The following KCND2 variants were observed in gnomAD, a reference collection of about 807,000 sequenced individuals.
The protein encoded by KCND2 is potassium voltage-gated channel subfamily D member 2.
Under a neutral mutation model 54.4 loss-of-function variants are expected in KCND2, and 16 were observed. That is an observed-to-expected ratio of 0.29 (90% CI 0.20 to 0.45). The LOEUF is 0.45. KCND2 is among the 20% of genes least tolerant of loss of function. KCND2 has a pLI of 1.00. For synonymous variants in KCND2, 317 were observed against 310.7 expected, an observed-to-expected ratio of 1.02 and a Z score of -0.21; for missense variants, 486 against 824.2, an observed-to-expected ratio of 0.59 and a Z score of 5.02.
chr7:120,399,642 C>A lies in KCND2; in HGVS notation c.1115+123895C>A, dbSNP rs1001980761. 3.3e-5 allele frequency among the ~76,000 whole-genome samples: 5 copies of A among 151,850 alleles called. No individual in the cohort carries two copies. In the East Asian group the frequency reaches 7.7e-4, roughly 23 times the overall value. On this transcript the variant is annotated intron_variant, in intron 1 of 5. Coordinates refer to ENST00000331113, the MANE Select transcript of KCND2 (RefSeq NM_012281.3). ...TTGTTTTTTATAATGTTATTCTTCACGTAATAATTTTCATATATATTTATC... is the reference window on the plus strand; with the variant it reads ...TTGTTTTTTATAATGTTATTCTTCAAGTAATAATTTTCATATATATTTATC...
intron 1 of KCND2, among the ~76,000 whole-genome samples, chr7:120,484,008 A>G (rs972049035): frequency 5.9e-5 from 9 of 152,288 alleles, no homozygotes; most frequent in Admixed American, 3.3e-4. Context: ...AAAGCTTGTC[A>G]AAGAAAGACT....
chr7:120,393,675 G>C (rs1390262723), intron 1 of KCND2, among the ~76,000 whole-genome samples: 1 of 151,872 alleles, frequency 6.6e-6, no homozygotes, highest in Non-Finnish European at 1.5e-5. Context: ...GTTTGTCTTG[G>C]TGTTTAGGTT....
intron 1 of KCND2, among the ~76,000 whole-genome samples, chr7:120,595,561 A>G (rs1371156517): frequency 2.3e-5 from 3 of 131,540 alleles, no homozygotes; most frequent in African/African-American, 8.4e-5. Context: ...GTGTGTATAT[A>G]TATGTGTGTG....
intron 1 of KCND2, among the ~76,000 whole-genome samples, chr7:120,278,091 C>T (rs188170828): frequency 7.2e-5 from 11 of 152,002 alleles, no homozygotes; most frequent in Admixed American, 7.2e-4. Context: ...AAAATGAGAA[C>T]ATATATGGAC....
chr7:120,289,109 A>G lies in KCND2; in HGVS notation c.1115+13362A>G, dbSNP rs976700809. Among the ~76,000 whole-genome samples, 6 of 151,562 alleles carry G rather than the reference A, an allele frequency of 4.0e-5. 1 individual carries two copies. The highest frequency in any genetic ancestry group is 4.1e-4 in the South Asian group (2 of 4,824). On this transcript the variant is annotated intron_variant, in intron 1 of 5. Transcript: ENST00000331113. ...AGAGAGAGAGACTAGGAGAAAGAAA[A>G]GTAAAGAGAAAGAAAGTGAGGGGGG... is the stretch of plus-strand genomic sequence containing the variant.
intron 1 of KCND2, among the ~76,000 whole-genome samples, chr7:120,633,745 G>A (rs993057623): frequency 3.3e-5 from 5 of 152,136 alleles, no homozygotes; most frequent in African/African-American, 9.6e-5. Flanking sequence ...CAACCATTTC[G>A]CTACTCTGAA....
At chr7:120,543,852 C>A in intron 1 of KCND2, among the ~76,000 whole-genome samples, 1 of 151,990 alleles carries the variant, frequency 6.6e-6, no homozygotes, top group Non-Finnish European at 1.5e-5. Context: ...TTATTGGACA[C>A]AACTGACTCT....
intron 1 of KCND2, among the ~76,000 whole-genome samples, chr7:120,704,843 G>A (rs560228326): frequency 8.5e-5 from 13 of 152,182 alleles, no homozygotes; most frequent in African/African-American, 3.1e-4. Context: ...ATTGTGGGTG[G>A]TTTAGAAATA....
intron 1 of KCND2, among the ~76,000 whole-genome samples, chr7:120,696,977 C>T (rs1224585671): frequency 6.6e-6 from 1 of 152,132 alleles, no homozygotes; most frequent in African/African-American, 2.4e-5. Context: ...ACTTAGAGTT[C>T]CATATATCTG....
At chr7:120,322,918 C>T (rs2116332763) in intron 1 of KCND2, among the ~76,000 whole-genome samples, 1 of 152,028 alleles carries the variant, frequency 6.6e-6, no homozygotes, top group Non-Finnish European at 1.5e-5. Flanking sequence ...AAAATGAATG[C>T]TTTAATTATA....
intron 1 of KCND2, among the ~76,000 whole-genome samples, chr7:120,500,477 G>A (rs879560394): frequency 3.0e-4 from 46 of 151,940 alleles, no homozygotes; most frequent in Non-Finnish European, 6.2e-4. Context: ...GGGCATTATC[G>A]CAAAATTCTT....
intron 1 of KCND2, among the ~76,000 whole-genome samples, chr7:120,669,436 A>G (rs1372503452): frequency 3.3e-5 from 5 of 152,052 alleles, no homozygotes; most frequent in Non-Finnish European, 5.9e-5. Flanking sequence ...AGAAAAAATA[A>G]TGAATGGTGA....
chr7:120,745,829 T>C lies in KCND2; in HGVS notation c.1517T>C (p.Val506Ala), dbSNP rs1792998718. 1 of 1,613,544 alleles carries C rather than the reference T, an allele frequency of 6.2e-7. No homozygotes were observed. Among genetic ancestry groups the C allele is most frequent in the Non-Finnish European group, 8.5e-7 (1 of 1,179,704 alleles). The change falls in exon 5 of 6, where the codon GTT (valine) becomes GCT (alanine). Residue 506 changes from valine (V) to alanine (A), a missense_variant. Physicochemically the swap from Val to Ala is moderately conservative, Grantham distance 64 (BLOSUM62 0). This residue lies in a region of KCND2 where 202 missense variants were observed against 252.7 expected (regional missense o/e 0.80). Coordinates refer to ENST00000331113, the MANE Select transcript of KCND2 (RefSeq NM_012281.3). Reference sequence around the variant, plus strand: ...GTCTTTGAAGAAAGCTGCATGGAAGTTGCAACTGTTAATCGTCCTTCAAGT... The same window carrying C: ...GTCTTTGAAGAAAGCTGCATGGAAGCTGCAACTGTTAATCGTCCTTCAAGT... ...EQVFEESCME[V>A]ATVNRPSSHS...
intron 1 of KCND2, among the ~76,000 whole-genome samples, chr7:120,620,369 G>C (rs1793083007): frequency 6.6e-6 from 1 of 152,006 alleles, no homozygotes; most frequent in Non-Finnish European, 1.5e-5. Context: ...TGTTTATCTT[G>C]TTCACTGCTA....
chr7:120,372,475 C>CTT (rs3067057), intron 1 of KCND2, among the ~76,000 whole-genome samples: 147,981 of 151,946 alleles, frequency 0.97, 72,182 homozygotes, highest in South Asian at 1. Flanking sequence ...TTTATTTACT[C>CTT]TGCAAATAAT....
intron 1 of KCND2, among the ~76,000 whole-genome samples, chr7:120,660,423 C>T (rs1040773750): frequency 6.6e-5 from 10 of 152,178 alleles, no homozygotes; most frequent in Admixed American, 2.0e-4. Flanking sequence ...CAATTAAGAA[C>T]GGATCATTTA....
rs77797054 is a variant in KCND2, at chr7:120,554,027, T to A, written c.1116-178876T>A. ...CATCCTCAAGGGCCTATATATTTAA[T>A]GTACATCACATGAGAATTAAAAGTG... is the stretch of plus-strand genomic sequence containing the variant. On this transcript the variant is annotated intron_variant, in intron 1 of 5. Transcript: ENST00000331113. Among the ~76,000 whole-genome samples, 801 of 152,370 alleles carry A rather than the reference T, an allele frequency of 5.3e-3. 9 individuals are homozygous for A. Among genetic ancestry groups the A allele is most frequent in the East Asian group, 0.044 (229 of 5,188 alleles).
chr7:120,284,698 T>A (rs939762224), intron 1 of KCND2, among the ~76,000 whole-genome samples: 11 of 152,128 alleles, frequency 7.2e-5, no homozygotes, highest in Non-Finnish European at 1.2e-4. Context: ...TAGAGTGTAG[T>A]CATGAAATTT....
chr7:120,526,314 A>G (rs1162428441), intron 1 of KCND2, among the ~76,000 whole-genome samples: 1 of 152,170 alleles, frequency 6.6e-6, no homozygotes, highest in Non-Finnish European at 1.5e-5. Flanking sequence ...ATGAATCTCA[A>G]CTAGGAAATT....
Sources: gnomAD v4.1 joint callset for allele counts (sites outside exome capture counted in the v4.1 genomes callset) on GRCh38, gnomAD v4.1.1 for gene constraint, gnomAD v4.1.1 regional missense constraint, MANE v1.5 for transcripts, NCBI Gene and HGNC (gene_info 2026-07-23, HGNC 2026-07-21) for gene names.